Variants in PCDHA5 observed in about 807,000 individuals in gnomAD.
The protein encoded by PCDHA5 is protocadherin alpha 5.
In PCDHA5, 43 loss-of-function variants were observed where a neutral mutation model predicts 61.6. The ratio of observed to expected loss-of-function variants is 0.70; its 90% CI spans 0.55 to 0.90. PCDHA5 has a LOEUF of 0.90. PCDHA5 is among the 40% of genes least tolerant of loss of function. PCDHA5 has a pLI of 0.00. For missense variants in PCDHA5, 1,298 were observed against 1,222.7 expected, an observed-to-expected ratio of 1.06 and a Z score of -0.92; for synonymous variants, 627 against 543.9, an observed-to-expected ratio of 1.15 and a Z score of -2.13.
At chr5:140,842,682 C>G in intron 1 of PCDHA5, 1 of 1,595,358 alleles carries the variant, frequency 6.3e-7, no homozygotes. Context: ...AATGCTCCGG[C>G]GTTCGCGCAG....
chr5:140,993,546 G>A (rs1013720873), intron 3 of PCDHA5, among the ~76,000 whole-genome samples: 4 of 151,434 alleles, frequency 2.6e-5, no homozygotes, highest in Non-Finnish European at 5.9e-5. Context: ...AGATAGAGAA[G>A]TGAAGTATAT....
At chr5:140,838,599 C>T (rs1240521392) in intron 1 of PCDHA5, among the ~76,000 whole-genome samples, 1 of 151,906 alleles carries the variant, frequency 6.6e-6, no homozygotes, top group African/African-American at 2.4e-5. Context: ...ACCGAATTGT[C>T]TAGACTTTTA....
chr5:140,874,334 C>A (rs2153310267), intron 1 of PCDHA5, among the ~76,000 whole-genome samples: 1 of 152,166 alleles, frequency 6.6e-6, no homozygotes, highest in South Asian at 2.1e-4. Context: ...CTGTTTTTTT[C>A]TCTTAAAGCT....
intron 3 of PCDHA5, among the ~76,000 whole-genome samples, chr5:141,001,563 C>A (rs531745574): frequency 6.6e-6 from 1 of 152,296 alleles, no homozygotes; most frequent in South Asian, 2.1e-4. Context: ...GACCACGATT[C>A]TCCTGTGTTT....
intron 1 of PCDHA5, chr5:140,850,572 C>T: frequency 6.3e-7 from 1 of 1,598,416 alleles, no homozygotes; most frequent in South Asian, 1.1e-5. Flanking sequence ...CGAGGTGACG[C>T]TGGTGGATGT....
At position 140,822,843 on chromosome 5, in the gene PCDHA5, G is replaced by A; in HGVS notation, c.1068G>A (p.Leu356=). The change falls in exon 1 of 4, where the codon CTG becomes CTA. Residue 356 remains leucine, a synonymous_variant. Transcript: ENST00000529859. ...AGATGGCCATAACCACCCTTTTCCT[G>A]CCTGTCAAAGAGGACGCTCCACTCA... ...TPEMAITTLF[L]PVKEDAPLST... is the part of the protein sequence containing the mutation. 2 of 1,614,190 alleles carry A rather than the reference G, an allele frequency of 1.2e-6. No individual in the cohort carries two copies. Among genetic ancestry groups the A allele is most frequent in the South Asian group, 2.2e-5 (2 of 91,080 alleles).
chr5:140,834,549 C>T (rs2150220771), intron 1 of PCDHA5: 1 of 1,614,074 alleles, frequency 6.2e-7, no homozygotes, highest in Non-Finnish European at 8.5e-7. Flanking sequence ...GGGGCTGGAG[C>T]TGGCGGAGCT....
At position 140,850,694 on chromosome 5, in the gene PCDHA5, G is replaced by T. The variant is rs2150494629; in HGVS notation, c.2352+26567G>T. The T allele has an allele frequency of 5.6e-6, 9 of 1,598,344 alleles. 1 individual carries two copies. The Admixed American group carries it at 8.4e-5, about 15-fold the overall frequency. On this transcript the variant is annotated intron_variant, in intron 1 of 3. Coordinates refer to ENST00000529859, the MANE Select transcript of PCDHA5 (RefSeq NM_018908.3). ...CGATGCCCACCGAGGGCGAGTGCGC[G>T]CCTGGCAAGCCGACGCTGGTGTGTT...
rs563698448 is a variant in PCDHA5 at position 140,899,116 on chromosome 5, T to G, written c.2352+74989T>G. On this transcript the variant is annotated intron_variant, in intron 1 of 3. Transcript: ENST00000529859. ...CTGAGATAATGGGGTTTTCTAGATA[T>G]ACAATCATGTCTTCTGCAAACAGGG... 5.8e-3 allele frequency among the ~76,000 whole-genome samples: 880 copies of G among 152,244 alleles called. 11 individuals are homozygous for G. Among genetic ancestry groups the G allele is most frequent in the African/African-American group, 0.019 (802 of 41,486 alleles).
intron 1 of PCDHA5, chr5:140,966,279 G>C (rs1429727504): frequency 3.3e-5 from 12 of 364,508 alleles, no homozygotes; most frequent in Non-Finnish European, 4.9e-5. Context: ...ACTGGACAGT[G>C]GGGGTAGGGA....
intron 1 of PCDHA5, among the ~76,000 whole-genome samples, chr5:140,826,672 G>T (rs1290845533): frequency 6.6e-6 from 1 of 152,028 alleles, no homozygotes; most frequent in African/African-American, 2.4e-5. Flanking sequence ...AATTGTAGAC[G>T]TAATTAAAAA....
intron 2 of PCDHA5, among the ~76,000 whole-genome samples, chr5:140,981,822 G>A (rs1229465317): frequency 6.6e-6 from 1 of 151,926 alleles, no homozygotes; most frequent in Non-Finnish European, 1.5e-5. Flanking sequence ...ATCTCTGCTT[G>A]CCTCTAAAGG....
At chr5:140,827,857 T>C (rs1368807201) in intron 1 of PCDHA5, 6 of 511,642 alleles carry the variant, frequency 1.2e-5, no homozygotes, top group Non-Finnish European at 1.7e-5. Context: ...TTTAAAAATA[T>C]ATGGTATAGC....
At chr5:140,838,041 C>A (rs1479923409) in intron 1 of PCDHA5, among the ~76,000 whole-genome samples, 1 of 149,154 alleles carries the variant, frequency 6.7e-6, no homozygotes, top group African/African-American at 2.5e-5. Flanking sequence ...TACCTTTCTG[C>A]ACTTTTTGGT....
At chr5:140,957,386 T>C (rs1461790676) in intron 1 of PCDHA5, among the ~76,000 whole-genome samples, 1 of 152,226 alleles carries the variant, frequency 6.6e-6, no homozygotes, top group Non-Finnish European at 1.5e-5. Context: ...TGTATTGTTA[T>C]AATTGTCCTA....
intron 1 of PCDHA5, among the ~76,000 whole-genome samples, chr5:140,950,428 T>G (rs408652): frequency 0.56 from 85,077 of 151,214 alleles, 24,477 homozygotes; most frequent in African/African-American, 0.69. Context: ...TTTCTTCCAC[T>G]TAAAAAAAAT....
chr5:140,823,532 C>T lies in PCDHA5; in HGVS notation c.1757C>T (p.Ala586Val), dbSNP rs138704270. Residue 586 changes from alanine to valine, a missense_variant, in exon 1 of 4, where the codon GCG becomes GTG. Transcript: ENST00000529859. Reference sequence around the variant, plus strand: ...GAGCTGGTGCCGAGGTCAGTGGGTGCGGGCCACGTGGTGGCGAAGGTGCGC... The same window carrying T: ...GAGCTGGTGCCGAGGTCAGTGGGTGTGGGCCACGTGGTGGCGAAGGTGCGC... ...VSELVPRSVG[A>V]GHVVAKVRAV... is the part of the protein sequence containing the mutation. 4.3e-6 allele frequency: 7 copies of T among 1,613,746 alleles called. No homozygotes were observed. Among genetic ancestry groups the T allele is most frequent in the Non-Finnish European group, 4.2e-6 (5 of 1,179,852 alleles).
At chr5:140,921,078 C>A (rs2153559626) in intron 1 of PCDHA5, among the ~76,000 whole-genome samples, 1 of 151,870 alleles carries the variant, frequency 6.6e-6, no homozygotes, top group East Asian at 2.0e-4. Context: ...CTCTTGGGCT[C>A]AAGAGAATCC....
intron 1 of PCDHA5, among the ~76,000 whole-genome samples, chr5:140,931,683 A>C (rs1482331530): frequency 6.6e-6 from 1 of 151,950 alleles, no homozygotes; most frequent in Non-Finnish European, 1.5e-5. Flanking sequence ...AAATAAATGA[A>C]TTGTGATTCA....
Sources: gnomAD v4.1 joint callset for allele counts (sites outside exome capture counted in the v4.1 genomes callset) on GRCh38, gnomAD v4.1.1 for gene constraint, MANE v1.5 for transcripts, NCBI Gene and HGNC (gene_info 2026-07-23, HGNC 2026-07-21) for gene names.